PAQR9: variants seen among roughly 807,000 people sequenced by gnomAD.
The protein encoded by PAQR9 is membrane progestin receptor epsilon.
A neutral mutation model predicts 24.0 loss-of-function variants in PAQR9; 12 were observed. The observed-to-expected ratio is 0.50, with a 90% confidence interval of 0.32 to 0.81. The LOEUF is 0.81. Among genes scored for constraint, PAQR9 ranks in the 30% least tolerant of loss-of-function variants. The pLI is 0.03. For synonymous variants in PAQR9, 266 were observed against 237.6 expected (o/e 1.12, Z -1.10); for missense variants, 418 against 520.8 (o/e 0.80, Z 1.92).
downstream of PAQR9, chr3:142,951,816 A>T: frequency 2.2e-6 from 1 of 455,952 alleles, no homozygotes; most frequent in Non-Finnish European, 4.4e-6. Flanking sequence ...ACTGTAAAAG[A>T]GTAGTACAAA....
At chr3:142,963,765 C>T, upstream of PAQR9, 1 of 950,454 alleles carries the variant, frequency 1.1e-6, no homozygotes, top group Non-Finnish European at 1.3e-6. Flanking sequence ...GAGGGACGGG[C>T]GCACCGAGGA....
Position 142,963,388 on chromosome 3 carries a change from C to G in PAQR9, c.-52G>C, listed in dbSNP as rs962396844. On this transcript the variant is annotated 5_prime_UTR_variant, in exon 1 of 1. Transcript: ENST00000340634. ...CGCAGGCGACCTCTGGCGCCGGCTC[C>G]CGGGCGCTGGGCAGCCCCCGCCGGC... is the stretch of plus-strand genomic sequence containing the variant. The G allele has an allele frequency of 1.3e-5, 15 of 1,130,808 alleles. No individual in the cohort carries two copies. In the African/African-American group the frequency reaches 2.3e-4, roughly 17 times the overall value. 70.0% of individuals were successfully genotyped at this position (1,130,808 alleles called of 1,614,324 possible). A position where few individuals can be genotyped will look rare whatever the true frequency, so the allele number is the denominator to read the frequency against.
rs75978503 is a variant in PAQR9 at position 142,958,540 on chromosome 3, T to C, written c.*3663A>G. 0.041 allele frequency among the ~76,000 whole-genome samples: 6,279 copies of C among 152,292 alleles called. 316 individuals are homozygous for C. Among genetic ancestry groups the C allele is most frequent in the East Asian group, 0.23 (1,198 of 5,174 alleles). ...TATGAAGAGATTTAAAGATAAAAAT[T>C]CCTGTTTATTATTGCTGTTAGTCCT... is the stretch of plus-strand genomic sequence containing the variant. On this transcript the variant is annotated 3_prime_UTR_variant, in exon 1 of 1. Coordinates refer to ENST00000340634, the MANE Select transcript of PAQR9 (RefSeq NM_198504.4).
downstream of PAQR9, chr3:142,951,754 T>C (rs1560157448): frequency 2.2e-6 from 1 of 456,552 alleles, no homozygotes; most frequent in African/African-American, 2.0e-5. Flanking sequence ...ATAGATGCTC[T>C]ATCTTCACTC....
At position 142,961,543 on chromosome 3, in the gene PAQR9, G is replaced by A. The variant is rs1292249632; in HGVS notation, c.*660C>T. The A allele has an allele frequency of 6.5e-6, 1 of 153,398 alleles. No individual in the cohort carries two copies. The highest frequency in any genetic ancestry group is 2.4e-5 in the African/African-American group (1 of 41,460). 9.5% of individuals were successfully genotyped at this position (153,398 alleles called of 1,614,324 possible). ...CAGTTCAAGTGTATGCAATGCAGAA[G>A]GCTGTGAAATTCAAAACTATGTGAC... is the stretch of plus-strand genomic sequence containing the variant. On this transcript the variant is annotated 3_prime_UTR_variant, in exon 1 of 1. Transcript: ENST00000340634.
rs774576195 is a variant in PAQR9 at position 142,958,504 on chromosome 3, CTAAT to C, written c.*3695_*3698del. ...CCTATTATAGCTTTGTGCAGATTAA[CTAAT>C]TAAAGTTATGAAGAGATTTAAAGAT... On this transcript the variant is annotated 3_prime_UTR_variant, in exon 1 of 1. Transcript: ENST00000340634. Among the ~76,000 whole-genome samples, 11 of 152,142 alleles carry C rather than the reference CTAAT, an allele frequency of 7.2e-5. 1 individual carries two copies. The highest frequency in any genetic ancestry group is 2.6e-4 in the Admixed American group (4 of 15,286).
chr3:142,962,657 G>A lies in PAQR9; in HGVS notation c.680C>T (p.Ala227Val). 1 of 1,611,492 alleles carries A rather than the reference G, an allele frequency of 6.2e-7. No homozygotes were observed. The change falls in exon 1 of 1, where the codon GCC becomes GTC. Residue 227 changes from alanine to valine, a missense_variant. By Grantham distance (64) the Ala-to-Val change is moderately conservative. Transcript: ENST00000340634. ...CCAGTCGGTACGGCTCTTGCAGCAG[G>A]CCACAGTGCAAGCCACCGCCAGCAC... The part of the protein sequence containing the change: ...AFVLAVACTV[A>V]CCKSRTDWCT...
At position 142,962,107 on chromosome 3, in the gene PAQR9, A is replaced by T; in HGVS notation, c.*96T>A. 2.2e-6 allele frequency: 3 copies of T among 1,392,154 alleles called. No homozygotes were observed. The highest frequency in any genetic ancestry group is 1.9e-5 in the Admixed American group (1 of 52,502). 86.2% of individuals were successfully genotyped at this position (1,392,154 alleles called of 1,614,324 possible). On this transcript the variant is annotated 3_prime_UTR_variant, in exon 1 of 1. Coordinates refer to ENST00000340634, the MANE Select transcript of PAQR9 (RefSeq NM_198504.4). ...TTTGCAGCACCTTCCTTGAGCAAAGAAGAAAACACAATGAAATTTGAAAAC... is the reference window on the plus strand; with the variant it reads ...TTTGCAGCACCTTCCTTGAGCAAAGTAGAAAACACAATGAAATTTGAAAAC...
At chr3:142,949,864 G>GC (rs2108236718), downstream of PAQR9, 1 of 151,984 alleles carries the variant, frequency 6.6e-6, no homozygotes, top group South Asian at 2.1e-4. Context: ...TTTTGTAATT[G>GC]CCCCACGGTT....
rs1330561121 is a variant in PAQR9, at chr3:142,955,442, T to A, written c.*6761A>T. Reference sequence around the variant, plus strand: ...GAGCGACCACATGGTCTATACAAATTAAAAAAAAAAAAAAAAAAAAAAAAA... The same window carrying A: ...GAGCGACCACATGGTCTATACAAATAAAAAAAAAAAAAAAAAAAAAAAAAA... On this transcript the variant is annotated 3_prime_UTR_variant, in exon 1 of 1. Transcript: ENST00000340634. Among the ~76,000 whole-genome samples the A allele has an allele frequency of 9.3e-5, 2 of 21,602 alleles. No homozygotes were observed. Among genetic ancestry groups the A allele is most frequent in the African/African-American group, 1.2e-4 (1 of 8,582 alleles). 14.2% of individuals were successfully genotyped at this position (21,602 alleles called of 152,430 possible).
chr3:142,955,533 T>C lies in PAQR9; in HGVS notation c.*6670A>G, dbSNP rs1934779420. Among the ~76,000 whole-genome samples the C allele has an allele frequency of 7.1e-6, 1 of 140,490 alleles. No individual in the cohort carries two copies. The highest frequency in any genetic ancestry group is 1.5e-5 in the Non-Finnish European group (1 of 65,740). 92.2% of individuals were successfully genotyped at this position (140,490 alleles called of 152,430 possible). A position where few individuals can be genotyped will look rare whatever the true frequency, so the allele number is the denominator to read the frequency against. On this transcript the variant is annotated 3_prime_UTR_variant, in exon 1 of 1. Coordinates refer to ENST00000340634, the MANE Select transcript of PAQR9 (RefSeq NM_198504.4). The stretch of plus-strand genomic sequence containing the variant: ...ACACAGAAAGCCTTTTTCTGGTCCA[T>C]ATAGTGATGGCATGGGGCTTATTCT...
chr3:142,963,091 G>A lies in PAQR9; in HGVS notation c.246C>T (p.Asn82=). The A allele has an allele frequency of 1.2e-6, 2 of 1,614,040 alleles. No homozygotes were observed. Among genetic ancestry groups the A allele is most frequent in the South Asian group, 1.1e-5 (1 of 91,056 alleles). ...AGTGCGTCCAGAAGTTGAGCGTCTC[G>A]TTGGTAGGCTTCAGCACCGAGGCTA... ...ECLASVLKPT[N]ETLNFWTHFI... Residue 82 remains asparagine (N), a synonymous_variant, in exon 1 of 1, where the codon AAC becomes AAT. Coordinates refer to ENST00000340634, the MANE Select transcript of PAQR9 (RefSeq NM_198504.4).
At chr3:142,963,903 G>T (rs1934974713), upstream of PAQR9, 1 of 984,880 alleles carries the variant, frequency 1.0e-6, no homozygotes, top group Non-Finnish European at 1.2e-6. Flanking sequence ...AATGATTGAT[G>T]CGGGGGCCGC....
rs1934926632 is a variant in PAQR9, at chr3:142,962,777, A to G, written c.560T>C (p.Val187Ala). 2 of 1,612,482 alleles carry G rather than the reference A, an allele frequency of 1.2e-6. No homozygotes were observed. The highest frequency in any genetic ancestry group is 1.7e-6 in the Non-Finnish European group (2 of 1,179,672). The change falls in exon 1 of 1, where the codon GTC becomes GCC. Residue 187 changes from valine (V) to alanine (A), a missense_variant. By Grantham distance (64) the Val-to-Ala change is moderately conservative. Transcript: ENST00000340634. ...LPGLSLLDAR[V>A]MTPYLQQRLG... ...GCGCTGCTGCAAGTATGGAGTCATG[A>G]CTCTGGCATCCAGCAAGCTGAGGCC... is the stretch of plus-strand genomic sequence containing the variant.
At chr3:142,952,703 T>C, downstream of PAQR9, 1 of 453,178 alleles carries the variant, frequency 2.2e-6, no homozygotes, top group Non-Finnish European at 4.4e-6. Flanking sequence ...TTGTCTTCCC[T>C]CAGGATTACA....
downstream of PAQR9, chr3:142,952,751 G>A (rs1394979124): frequency 2.2e-6 from 1 of 456,488 alleles, no homozygotes; most frequent in Non-Finnish European, 4.4e-6. Context: ...GAGGATTCCA[G>A]GAAAAAACAA....
Position 142,962,808 on chromosome 3 carries a change from A to T in PAQR9, c.529T>A (p.Leu177Met). The change falls in exon 1 of 1, where the codon TTG becomes ATG. Residue 177 changes from leucine (L) to methionine (M), a missense_variant. By Grantham distance (15) the Leu-to-Met change is conservative. This residue lies in a region of PAQR9 where 230 missense variants were observed against 305.2 expected (regional missense o/e 0.75). Coordinates refer to ENST00000340634, the MANE Select transcript of PAQR9 (RefSeq NM_198504.4). ...GSTVAYYYYL[L>M]PGLSLLDARV... ...GCATCCAGCAAGCTGAGGCCTGGCA[A>T]CAGGTAGTAGTAGTAGGCCACCGTG... 3 of 1,612,666 alleles carry T rather than the reference A, an allele frequency of 1.9e-6. No individual in the cohort carries two copies. Among genetic ancestry groups the T allele is most frequent in the Non-Finnish European group, 2.5e-6 (3 of 1,179,682 alleles).
rs776505982 is a variant in PAQR9, at chr3:142,962,839, G to A, written c.498C>T (p.Phe166=). The A allele has an allele frequency of 2.2e-5, 36 of 1,613,132 alleles. No homozygotes were observed. The highest frequency in any genetic ancestry group is 3.0e-5 in the Non-Finnish European group (35 of 1,179,970). Residue 166 remains phenylalanine (F), a synonymous_variant, in exon 1 of 1, where the codon TTC becomes TTT. Transcript: ENST00000340634. ...AGTAGTAGTAGGCCACCGTGCTGCC[G>A]AAGCCGTAGTAGCTGATGGACGCGT... ...LDYASISYYG[F]GSTVAYYYYL... is the part of the protein sequence containing the mutation.
At position 142,963,052 on chromosome 3, in the gene PAQR9, C is replaced by A. The variant is rs1292152586; in HGVS notation, c.285G>T (p.Leu95=). The change falls in exon 1 of 1, where the codon CTG becomes CTT. Residue 95 remains leucine (L), a synonymous_variant. Transcript: ENST00000340634. The part of the protein sequence containing the change: ...LNFWTHFIPL[L]LFLSKFCRLF... ...GACGGCAGAACTTGCTCAGGAACAG[C>A]AGCAGCGGGATGAAGTGCGTCCAGA... 1 of 1,614,054 alleles carries A rather than the reference C, an allele frequency of 6.2e-7. No individual in the cohort carries two copies. Among genetic ancestry groups the A allele is most frequent in the East Asian group, 2.2e-5 (1 of 44,872 alleles).
Sources: gnomAD v4.1 joint callset for allele counts (sites outside exome capture counted in the v4.1 genomes callset) on GRCh38, gnomAD v4.1.1 for gene constraint, gnomAD v4.1.1 regional missense constraint, MANE v1.5 for transcripts, NCBI Gene and HGNC (gene_info 2026-07-23, HGNC 2026-07-21) for gene names.